Variants in EHD1 observed in about 807,000 individuals in gnomAD.
The protein encoded by EHD1 is EH domain containing 1.
EHD1 carries 19 observed loss-of-function variants against 39.0 expected under a neutral mutation model. The observed-to-expected ratio is 0.49, with a 90% CI of 0.34 to 0.72. The LOEUF is 0.72. Among genes scored for constraint, EHD1 ranks in the 30% least tolerant of loss-of-function variants. The pLI is 0.01. For synonymous variants in EHD1, 323 were observed against 331.2 expected, an observed-to-expected ratio of 0.98 and a Z score of 0.27; for missense variants, 542 against 751.5, an observed-to-expected ratio of 0.72 and a Z score of 3.26.
In EHD1 at chr11:64,854,380, C is replaced by A; in HGVS notation, c.1558G>T (p.Asp520Tyr). 1.2e-6 allele frequency: 2 copies of A among 1,613,236 alleles called. No individual in the cohort carries two copies. The highest frequency in any genetic ancestry group is 1.7e-6 in the Non-Finnish European group (2 of 1,179,796). ...VKLEGHELPA[D>Y]LPPHLVPPSK... ...GGCGGCACCAGGTGCGGGGGCAGGTCGGCGGGCAGCTCGTGGCCCTCCAGC... is the reference window on the plus strand; with the variant it reads ...GGCGGCACCAGGTGCGGGGGCAGGTAGGCGGGCAGCTCGTGGCCCTCCAGC... Residue 520 changes from aspartate (D) to tyrosine (Y), a missense_variant, in exon 5 of 5, where the codon GAC becomes TAC. Physicochemically the swap from Asp to Tyr is radical, Grantham distance 160 (BLOSUM62 -3). Coordinates refer to ENST00000320631, the MANE Select transcript of EHD1 (RefSeq NM_006795.4).
rs989523431 is a variant in EHD1, at chr11:64,852,466, T to A, written c.*1867A>T. 6.7e-6 allele frequency: 1 copy of A among 149,846 alleles called. No homozygotes were observed. The highest frequency in any genetic ancestry group is 2.6e-5 in the African/African-American group (1 of 39,052). The allele number at this position is 149,846 out of a possible 1,614,324, so 9.3% of individuals were successfully genotyped here. On this transcript the variant is annotated 3_prime_UTR_variant, in exon 5 of 5. Coordinates refer to ENST00000320631, the MANE Select transcript of EHD1 (RefSeq NM_006795.4). ...CAGCTATCAACATCCTCCCAACTGT[T>A]TCCCCCCTCCCCACCCCAAGTGAAC...
Position 64,854,609 on chromosome 11 carries a change from C to T in EHD1, c.1329G>A (p.Lys443=). The T allele has an allele frequency of 6.2e-7, 1 of 1,614,022 alleles. No individual in the cohort carries two copies. Among genetic ancestry groups the T allele is most frequent in the East Asian group, 2.2e-5 (1 of 44,868 alleles). ...GIDDVEWVVG[K]DKPTYDEIFY... ...AGATCTCGTCGTAGGTGGGCTTGTCCTTGCCCACCACCCACTCCACGTCGT... is the reference window on the plus strand; with the variant it reads ...AGATCTCGTCGTAGGTGGGCTTGTCTTTGCCCACCACCCACTCCACGTCGT... The change falls in exon 5 of 5, where the codon AAG becomes AAA. Residue 443 remains lysine, a synonymous_variant. Coordinates refer to ENST00000320631, the MANE Select transcript of EHD1 (RefSeq NM_006795.4).
chr11:64,857,988 G>A (rs1208618592), intron 3 of EHD1, among the ~76,000 whole-genome samples: 4 of 151,346 alleles, frequency 2.6e-5, no homozygotes, highest in Non-Finnish European at 4.4e-5. Context: ...GCCACGCTCC[G>A]GCCTGGCTGG....
chr11:64,869,825 G>A (rs1394757092), intron 2 of EHD1, among the ~76,000 whole-genome samples: 1 of 152,220 alleles, frequency 6.6e-6, no homozygotes, highest in East Asian at 1.9e-4. Context: ...CTCAGCCTGG[G>A]GGTGCTGCTG....
rs114124564 is a variant in EHD1 at position 64,876,360 on chromosome 11, G to A, written c.404+1701C>T. The stretch of plus-strand genomic sequence containing the variant: ...TCCCCACACTACACATCCTGGCACA[G>A]CTCTGGGCCTCAGCGTGGGCTGATA... On this transcript the variant is annotated intron_variant, in intron 1 of 4. Transcript: ENST00000320631. 4.9e-3 allele frequency among the ~76,000 whole-genome samples: 741 copies of A among 152,346 alleles called. 8 individuals carry two copies. The highest frequency in any genetic ancestry group is 0.017 in the African/African-American group (702 of 41,584).
rs565365294 is a variant in EHD1, at chr11:64,875,917, T to C, written c.405-1399A>G. On this transcript the variant is annotated intron_variant, in intron 1 of 4. Transcript: ENST00000320631. ...CAGAATAGAAGGATGGGAAGCAGAA[T>C]TGGCTCTGGGAAATCACATACATAA... Among the ~76,000 whole-genome samples, 7 of 152,292 alleles carry C rather than the reference T, an allele frequency of 4.6e-5. No homozygotes were observed. The South Asian group carries it at 1.0e-3, about 23-fold the overall frequency.
At chr11:64,858,861 T>G (rs905717982) in intron 3 of EHD1, among the ~76,000 whole-genome samples, 12 of 152,322 alleles carry the variant, frequency 7.9e-5, no homozygotes, top group African/African-American at 2.6e-4. Flanking sequence ...TGCTGATAGG[T>G]GCCACCAGGC....
At chr11:64,859,430 G>C (rs888761821) in intron 3 of EHD1, among the ~76,000 whole-genome samples, 2 of 152,198 alleles carry the variant, frequency 1.3e-5, no homozygotes, top group African/African-American at 4.8e-5. Flanking sequence ...TGAGGTAGGA[G>C]AATCATTTGA....
At chr11:64,861,739 T>C (rs1470910093) in intron 2 of EHD1, among the ~76,000 whole-genome samples, 1 of 152,128 alleles carries the variant, frequency 6.6e-6, no homozygotes, top group Non-Finnish European at 1.5e-5. Flanking sequence ...AAGCTGGAAG[T>C]ATTAACTATC....
At chr11:64,876,097 T>C (rs1943882776) in intron 1 of EHD1, among the ~76,000 whole-genome samples, 1 of 152,186 alleles carries the variant, frequency 6.6e-6, no homozygotes. Context: ...ACAGGTTTCA[T>C]CTCGCACAAG....
chr11:64,874,677 T>C (rs1271949743), intron 1 of EHD1, among the ~76,000 whole-genome samples, 159 bp from the exon 2 acceptor site: 1 of 152,104 alleles, frequency 6.6e-6, no homozygotes, highest in Non-Finnish European at 1.5e-5. Flanking sequence ...TTTCCCGGGG[T>C]GGCCGGCAAA....
intron 1 of EHD1, 102 bp downstream of exon 1, chr11:64,877,959 G>A (rs1163833544): frequency 2.4e-6 from 3 of 1,265,284 alleles, no homozygotes; most frequent in Non-Finnish European, 3.1e-6. Flanking sequence ...CTGGGGCCTC[G>A]GAGACAAAGG....
In EHD1 at chr11:64,853,808, G is replaced by C. The variant is rs966229268; in HGVS notation, c.*525C>G. 10 of 158,362 alleles carry C rather than the reference G, an allele frequency of 6.3e-5. No individual in the cohort carries two copies. The highest frequency in any genetic ancestry group is 1.3e-4 in the Non-Finnish European group (9 of 71,068). The allele number at this position is 158,362 out of a possible 1,614,324, so 9.8% of individuals were successfully genotyped here. A position where few individuals can be genotyped will look rare whatever the true frequency, so the allele number is the denominator to read the frequency against. On this transcript the variant is annotated 3_prime_UTR_variant, in exon 5 of 5. Transcript: ENST00000320631. ...CCCGCGCACGGGGAGCCTGGGCCCG[G>C]GAGGGGAAGGCACAAGAACCCACTT...
chr11:64,873,911 T>C (rs1729174403), intron 2 of EHD1, among the ~76,000 whole-genome samples: 1 of 151,078 alleles, frequency 6.6e-6, no homozygotes, highest in African/African-American at 2.4e-5. Context: ...TCTCCTGACC[T>C]CGTGATCCGC....
intron 3 of EHD1, among the ~76,000 whole-genome samples, chr11:64,858,790 G>A (rs1015384284): frequency 2.6e-5 from 4 of 152,212 alleles, no homozygotes; most frequent in African/African-American, 9.7e-5. Context: ...CACCCACACC[G>A]GCTCTCACTC....
chr11:64,860,266 G>C lies in EHD1; in HGVS notation c.573C>G (p.Ala191=). The C allele has an allele frequency of 1.2e-6, 2 of 1,614,006 alleles. No individual in the cohort carries two copies. Among genetic ancestry groups the C allele is most frequent in the Non-Finnish European group, 1.7e-6 (2 of 1,180,022 alleles). Residue 191 remains alanine, a synonymous_variant, in exon 3 of 5, where the codon GCC becomes GCG. Transcript: ENST00000320631. The stretch of plus-strand genomic sequence containing the variant: ...ACTCATCGGAGATGTCCAGCTTGTG[G>C]GCGTCGAAGAGCAGGATGATGCGGT... ...RVDRIILLFD[A]HKLDISDEFS...
intron 2 of EHD1, among the ~76,000 whole-genome samples, chr11:64,873,786 C>T (rs1035194315): frequency 1.3e-5 from 2 of 151,794 alleles, no homozygotes; most frequent in Non-Finnish European, 2.9e-5. Context: ...ACGCTATTCT[C>T]CTGCCTCAGC....
At chr11:64,856,013 C>G (rs895055642) in intron 3 of EHD1, 3 of 148,836 alleles carry the variant, frequency 2.0e-5, no homozygotes, top group African/African-American at 7.8e-5. Flanking sequence ...CACACACCCT[C>G]CGCTCAACCC....
chr11:64,859,253 C>T (rs1943686923), intron 3 of EHD1, among the ~76,000 whole-genome samples: 1 of 152,326 alleles, frequency 6.6e-6, no homozygotes, highest in African/African-American at 2.4e-5. Flanking sequence ...CTCAGTAAAC[C>T]CCAGAGGGGT....
Sources: allele counts gnomAD v4.1 joint callset (sites outside exome capture counted in the v4.1 genomes callset), GRCh38; gene constraint gnomAD v4.1.1; transcripts MANE v1.5; gene names NCBI Gene and HGNC (gene_info 2026-07-23, HGNC 2026-07-21).